Variants in TTC16 observed in about 807,000 individuals in gnomAD.
The protein encoded by TTC16 is tetratricopeptide repeat protein 16.
TTC16 carries 66 observed loss-of-function variants against 80.4 expected under a neutral mutation model. That is an observed-to-expected ratio of 0.82 (90% CI 0.67 to 1.01). The LOEUF is 1.01. Ranked by LOEUF, TTC16 falls within the 50% of genes least tolerant of loss-of-function variation. The pLI is 0.00. For synonymous variants in TTC16, 438 were observed against 451.3 expected, an observed-to-expected ratio of 0.97 and a Z score of 0.37; for missense variants, 1,070 against 1,103.2, an observed-to-expected ratio of 0.97 and a Z score of 0.43.
rs775427412 is a variant in TTC16 at position 127,726,306 on chromosome 9, T to C, written c.1327T>C (p.Tyr443His). Residue 443 changes from tyrosine (Y) to histidine (H), a missense_variant, in exon 10 of 14, where the codon TAC becomes CAC. By Grantham distance (83) the Tyr-to-His change is moderately conservative. Coordinates refer to ENST00000373289, the MANE Select transcript of TTC16 (RefSeq NM_144965.3). The stretch of plus-strand genomic sequence containing the variant: ...GCACAACCCCCAGAAGGCCCAGTAC[T>C]ACCTGTACCGGGCCAAGAGCCGGCA... Reference protein sequence around the residue: ...IRHNPQKAQYYLYRAKSRQLL... With the variant: ...IRHNPQKAQYHLYRAKSRQLL... 4.3e-6 allele frequency: 7 copies of C among 1,611,912 alleles called. No individual in the cohort carries two copies. In the Admixed American group the frequency reaches 8.3e-5, roughly 19 times the overall value.
chr9:127,729,179 C>G (rs990361084), intron 12 of TTC16: 5 of 167,060 alleles, frequency 3.0e-5, no homozygotes, highest in African/African-American at 1.2e-4. Flanking sequence ...GCAGCTCTCC[C>G]CATCCCTCCG....
Position 127,722,651 on chromosome 9 carries a change from G to A in TTC16, c.658-468G>A, listed in dbSNP as rs1052358408. Among the ~76,000 whole-genome samples, 1 of 152,104 alleles carries A rather than the reference G, an allele frequency of 6.6e-6. No individual in the cohort carries two copies. The highest frequency in any genetic ancestry group is 2.1e-4 in the South Asian group (1 of 4,824). On this transcript the variant is annotated intron_variant, in intron 6 of 13. Coordinates refer to ENST00000373289, the MANE Select transcript of TTC16 (RefSeq NM_144965.3). The surrounding 1 kb of genome is among the most constrained non-coding windows in gnomAD (Gnocchi z 4.2). ...ATGGAATTTCTCCACGATGCTCCCT[G>A]TCTCCTTCAAGAGGCAGAAAGGGGC...
Position 127,720,117 on chromosome 9 carries a change from CTGAA to C in TTC16, c.469_472del (p.Asn157SerfsTer40), listed in dbSNP as rs1843332242. On this transcript the variant is annotated frameshift_variant, in exon 5 of 14. Transcript: ENST00000373289. LOFTEE classifies it high-confidence loss of function. ...TGAGCAGTGTGCCTTCCTGGATGCC[CTGAA>C]TGTCTTCTCACATGCTGCTGAGCTC... 1 of 1,613,918 alleles carries C rather than the reference CTGAA, an allele frequency of 6.2e-7. No individual in the cohort carries two copies. Among genetic ancestry groups the C allele is most frequent in the African/African-American group, 1.3e-5 (1 of 75,040 alleles).
At chr9:127,729,474 A>C in intron 12 of TTC16, 107 bp from the exon 13 acceptor site, 2 of 899,086 alleles carry the variant, frequency 2.2e-6, no homozygotes, top group South Asian at 2.9e-5. Flanking sequence ...AAAGACCTCC[A>C]AGCTCAGGAG....
intron 12 of TTC16, chr9:127,729,330 G>GA: frequency 2.2e-6 from 1 of 455,536 alleles, no homozygotes. Context: ...TTTTGCAGTT[G>GA]AAAAAAACCA....
chr9:127,726,453 G>A (rs775745491), intron 10 of TTC16, 49 bp downstream of exon 10: 9 of 1,479,240 alleles, frequency 6.1e-6, no homozygotes, highest in Non-Finnish European at 8.1e-6. Context: ...CATGCCCGGT[G>A]CATAAAGATA....
chr9:127,723,236 G>C lies in TTC16; in HGVS notation c.775G>C (p.Gly259Arg). The C allele has an allele frequency of 6.2e-7, 1 of 1,612,940 alleles. No individual in the cohort carries two copies. The highest frequency in any genetic ancestry group is 8.5e-7 in the Non-Finnish European group (1 of 1,180,044). Reference protein sequence around the residue: ...AQAQQARQDAGILAVQGKLQH... With the variant: ...AQAQQARQDARILAVQGKLQH... The stretch of plus-strand genomic sequence containing the variant: ...GGCCCAGCAGGCGCGCCAAGATGCG[G>C]GGATCCTGGCTGTGCAGGGCAAGCT... The change falls in exon 7 of 14, where the codon GGG (glycine) becomes CGG (arginine). Residue 259 changes from glycine to arginine, a missense_variant. By Grantham distance (125) the Gly-to-Arg change is moderately radical. Coordinates refer to ENST00000373289, the MANE Select transcript of TTC16 (RefSeq NM_144965.3).
Position 127,726,431 on chromosome 9 carries a change from A to G in TTC16, c.1425+27A>G, listed in dbSNP as rs374491140. ...TAGGTTCCTGCCACGTCAGGAGTGT[A>G]GGCTCCGGAGTCATGCCCGGTGCAT... On this transcript the variant is annotated intron_variant, in intron 10 of 13. Transcript: ENST00000373289. The G allele has an allele frequency of 1.2e-5, 19 of 1,549,412 alleles. No homozygotes were observed. In the African/African-American group the frequency reaches 2.5e-4, roughly 20 times the overall value.
Position 127,724,236 on chromosome 9 carries a change from T to G in TTC16, c.989T>G (p.Leu330Arg). The G allele has an allele frequency of 1.2e-6, 2 of 1,613,092 alleles. No homozygotes were observed. Among genetic ancestry groups the G allele is most frequent in the Non-Finnish European group, 8.5e-7 (1 of 1,180,030 alleles). The change falls in exon 8 of 14, where the codon CTG (leucine) becomes CGG (arginine). Residue 330 changes from leucine to arginine, a missense_variant. Coordinates refer to ENST00000373289, the MANE Select transcript of TTC16 (RefSeq NM_144965.3). ...ATGGTGCGGCAGGCACAGCGCCAGC[T>G]GTTGCTGACCTACAACGACTTTGCC... ...EDMVRQAQRQ[L>R]LLTYNDFAVH... is the part of the protein sequence containing the mutation.
At chr9:127,726,787 C>CAAAAAAA (rs55676226) in intron 10 of TTC16, among the ~76,000 whole-genome samples, 183 bp from the exon 11 acceptor site, 10 of 127,786 alleles carry the variant, frequency 7.8e-5, no homozygotes, top group Admixed American at 1.7e-4. Flanking sequence ...GACTCTGTCT[C>CAAAAAAA]AAAAAAAAAA....
At chr9:127,717,280 T>G (rs1843109351) in intron 2 of TTC16, 54 bp from the exon 3 acceptor site, 1 of 1,551,776 alleles carries the variant, frequency 6.4e-7, no homozygotes, top group Non-Finnish European at 8.8e-7. Flanking sequence ...CCCTATGCCC[T>G]GGGCTGGTCC....
At position 127,731,123 on chromosome 9, in the gene TTC16, C is replaced by G. The variant is rs370513387; in HGVS notation, c.2340C>G (p.Gly780=). ...CCAGAAAGGTCAAGGCTGCTCGTGG[C>G]CGGAGCTGGAGACCCAGCAAGGTTG... ...QRPRKVKAAR[G]RSWRPSKVDA... is the part of the protein sequence containing the mutation. The change falls in exon 14 of 14, where the codon GGC becomes GGG. Residue 780 remains glycine, a synonymous_variant. Coordinates refer to ENST00000373289, the MANE Select transcript of TTC16 (RefSeq NM_144965.3). 6.2e-7 allele frequency: 1 copy of G among 1,611,432 alleles called. No individual in the cohort carries two copies. The highest frequency in any genetic ancestry group is 8.5e-7 in the Non-Finnish European group (1 of 1,179,332).
Position 127,718,235 on chromosome 9 carries a change from A to C in TTC16, c.426+463A>C, listed in dbSNP as rs1261411896. Among the ~76,000 whole-genome samples the C allele has an allele frequency of 1.3e-5, 2 of 151,934 alleles. No homozygotes were observed. The highest frequency in any genetic ancestry group is 4.8e-5 in the African/African-American group (2 of 41,360). On this transcript the variant is annotated intron_variant, in intron 4 of 13. Transcript: ENST00000373289. The surrounding 1 kb of genome is among the most constrained non-coding windows in gnomAD (Gnocchi z 4.6). Reference sequence around the variant, plus strand: ...CCTGAGTAGCTGGGACTACAGGCACACGCCACCACGCCTGGCTAATTTTTT... The same window carrying C: ...CCTGAGTAGCTGGGACTACAGGCACCCGCCACCACGCCTGGCTAATTTTTT...
rs1844382388 is a variant in TTC16 at position 127,731,110 on chromosome 9, A to C, written c.2327A>C (p.Lys776Thr). The C allele has an allele frequency of 1.9e-6, 3 of 1,611,908 alleles. No individual in the cohort carries two copies. The highest frequency in any genetic ancestry group is 2.5e-6 in the Non-Finnish European group (3 of 1,179,488). ...RSPRQRPRKVKAARGRSWRPS... is the reference protein window; with the variant it reads ...RSPRQRPRKVTAARGRSWRPS... ...CCAAGGCAGAGGCCCAGAAAGGTCA[A>C]GGCTGCTCGTGGCCGGAGCTGGAGA... is the stretch of plus-strand genomic sequence containing the variant. The change falls in exon 14 of 14, where the codon AAG becomes ACG. Residue 776 changes from lysine (K) to threonine (T), a missense_variant. Lys to Thr is a moderately conservative substitution (Grantham distance 78, BLOSUM62 -1). Coordinates refer to ENST00000373289, the MANE Select transcript of TTC16 (RefSeq NM_144965.3).
Position 127,724,847 on chromosome 9 carries a change from G to C in TTC16, c.1209G>C (p.Thr403=). 6.3e-7 allele frequency: 1 copy of C among 1,594,916 alleles called. No individual in the cohort carries two copies. The highest frequency in any genetic ancestry group is 8.5e-7 in the Non-Finnish European group (1 of 1,171,970). ...GCCCTCAGGACGAGGGCGCCAACACGCGCATGGGCCTGCTGCAGGAGAAGA... is the reference window on the plus strand; with the variant it reads ...GCCCTCAGGACGAGGGCGCCAACACCCGCATGGGCCTGCTGCAGGAGAAGA... ...ALSPQDEGAN[T]RMGLLQEKMG... is the part of the protein sequence containing the mutation. Residue 403 remains threonine (T), a synonymous_variant, in exon 9 of 14, where the codon ACG becomes ACC. Transcript: ENST00000373289.
In TTC16 at chr9:127,724,899, T is replaced by A; in HGVS notation, c.1259+2T>A. 1 of 1,520,808 alleles carries A rather than the reference T, an allele frequency of 6.6e-7. No homozygotes were observed. The highest frequency in any genetic ancestry group is 8.8e-7 in the Non-Finnish European group (1 of 1,137,662). 94.2% of individuals were successfully genotyped at this position (1,520,808 alleles called of 1,614,324 possible). A position where few individuals can be genotyped will look rare whatever the true frequency, so the allele number is the denominator to read the frequency against. The stretch of plus-strand genomic sequence containing the variant: ...GGGCTTCTGCGAGCAGAGGCGCAAG[T>A]GCGTGGGCTCCCGCCCCCACGGTGG... On this transcript the variant is annotated splice_donor_variant, in intron 9 of 13. Transcript: ENST00000373289. LOFTEE classifies it high-confidence loss of function.
rs776545558 is a variant in TTC16, at chr9:127,726,300, C to G, written c.1321C>G (p.Gln441Glu). The change falls in exon 10 of 14, where the codon CAG becomes GAG. Residue 441 changes from glutamine to glutamate, a missense_variant. Coordinates refer to ENST00000373289, the MANE Select transcript of TTC16 (RefSeq NM_144965.3). ...TAIRHNPQKA[Q>E]YYLYRAKSRQ... ...CATCCGGCACAACCCCCAGAAGGCCCAGTACTACCTGTACCGGGCCAAGAG... is the reference window on the plus strand; with the variant it reads ...CATCCGGCACAACCCCCAGAAGGCCGAGTACTACCTGTACCGGGCCAAGAG... The G allele has an allele frequency of 3.7e-6, 6 of 1,610,834 alleles. No homozygotes were observed. The highest frequency in any genetic ancestry group is 3.4e-6 in the Non-Finnish European group (4 of 1,178,550).
In TTC16 at chr9:127,730,836, A is replaced by G. The variant is rs1340190765; in HGVS notation, c.2053A>G (p.Thr685Ala). ...TQGQRQSLSK[T>A]EPTQSQRRNS... ...GGGCCAGAGGCAGAGCCTTAGCAAG[A>G]CTGAGCCCACCCAGAGCCAGAGGCG... The change falls in exon 14 of 14, where the codon ACT (threonine) becomes GCT (alanine). Residue 685 changes from threonine to alanine, a missense_variant. Transcript: ENST00000373289. 1.9e-6 allele frequency: 3 copies of G among 1,613,720 alleles called. No homozygotes were observed. Among genetic ancestry groups the G allele is most frequent in the Admixed American group, 3.3e-5 (2 of 60,026 alleles).
chr9:127,726,470 G>A (rs763303570), intron 10 of TTC16, 66 bp downstream of exon 10: 216 of 1,437,786 alleles, frequency 1.5e-4, no homozygotes, highest in Non-Finnish European at 1.7e-4. Context: ...GATACTCCTC[G>A]GCCCCCAAAG....
Sources: gnomAD v4.1 joint callset for allele counts (sites outside exome capture counted in the v4.1 genomes callset) on GRCh38, gnomAD v4.1.1 for gene constraint, Gnocchi (gnomAD v3.1) non-coding constraint, MANE v1.5 for transcripts, NCBI Gene and HGNC (gene_info 2026-07-23, HGNC 2026-07-21) for gene names.